IPMK: variants seen among roughly 807,000 people sequenced by gnomAD.
IPMK encodes the protein inositol 1,3,4,6-tetrakisphosphate 5-kinase.
A neutral mutation model predicts 45.8 loss-of-function variants in IPMK; 17 were observed. The ratio of observed to expected loss-of-function variants is 0.37; its 90% CI spans 0.25 to 0.56. The LOEUF (loss-of-function observed/expected upper bound fraction) is 0.56. Among genes scored for constraint, IPMK ranks in the 20% least tolerant of loss-of-function variants. The probability of loss-of-function intolerance (pLI) is 0.79; values close to 1 mark genes in which losing one functional copy is unlikely to be tolerated. For missense variants in IPMK, 399 were observed against 498.0 expected (o/e 0.80, Z 1.89); for synonymous variants, 180 against 184.3 (o/e 0.98, Z 0.19).
At chr10:58,199,195 C>A (rs1769044) in intron 5 of IPMK, 45 bp downstream of exon 5, 298,461 of 1,202,426 alleles carry the variant, frequency 0.25, 43,209 homozygotes, top group African/African-American at 0.61. Flanking sequence ...CTTTAGAAGT[C>A]TTTTAACTGT....
chr10:58,232,856 C>T (rs910195867), intron 2 of IPMK, among the ~76,000 whole-genome samples: 3 of 152,126 alleles, frequency 2.0e-5, no homozygotes, highest in African/African-American at 7.2e-5. Flanking sequence ...GGGACAGACA[C>T]AAAAAACCCT....
intron 1 of IPMK, among the ~76,000 whole-genome samples, chr10:58,254,834 A>G (rs2590348): frequency 0.34 from 51,484 of 152,054 alleles, 10,960 homozygotes; most frequent in African/African-American, 0.61. Context: ...CTGTTCTGGG[A>G]GAAGACTTAT....
At chr10:58,215,284 CA>C (rs1838227234) in intron 4 of IPMK, among the ~76,000 whole-genome samples, 1 of 152,018 alleles carries the variant, frequency 6.6e-6, no homozygotes, top group Admixed American at 6.6e-5. Context: ...ATAAGATCAG[CA>C]AAAGAACTGC....
At chr10:58,255,621 T>C (rs1838954041) in intron 1 of IPMK, among the ~76,000 whole-genome samples, 1 of 152,226 alleles carries the variant, frequency 6.6e-6, no homozygotes, top group Non-Finnish European at 1.5e-5. Context: ...ATCTTGATGA[T>C]ATCACCATCT....
At chr10:58,230,358 T>G (rs1287184381) in intron 2 of IPMK, among the ~76,000 whole-genome samples, 2 of 152,132 alleles carry the variant, frequency 1.3e-5, no homozygotes, top group Non-Finnish European at 2.9e-5. Context: ...CTCAAGTGGG[T>G]CCCTGACCCC....
intron 1 of IPMK, among the ~76,000 whole-genome samples, chr10:58,259,230 G>A (rs1839019590): frequency 6.6e-6 from 1 of 152,062 alleles, no homozygotes. Context: ...AGGGTTTCTT[G>A]AAGAAAAACG....
chr10:58,204,592 A>C (rs1439520609), intron 4 of IPMK, among the ~76,000 whole-genome samples: 1 of 152,146 alleles, frequency 6.6e-6, no homozygotes, highest in African/African-American at 2.4e-5. Flanking sequence ...CCATGAGTTC[A>C]AGACTAGCCT....
At chr10:58,246,780 C>A (rs915651188) in intron 1 of IPMK, among the ~76,000 whole-genome samples, 1 of 152,106 alleles carries the variant, frequency 6.6e-6, no homozygotes, top group Admixed American at 6.5e-5. Context: ...AAAGCAATGG[C>A]AACAAAAGCC....
At chr10:58,220,753 C>G (rs1371642836) in intron 3 of IPMK, among the ~76,000 whole-genome samples, 1 of 152,148 alleles carries the variant, frequency 6.6e-6, no homozygotes, top group African/African-American at 2.4e-5. Context: ...TAAAAACCTG[C>G]CTTCATAGAG....
intron 3 of IPMK, among the ~76,000 whole-genome samples, chr10:58,217,379 C>G (rs1838259944): frequency 6.6e-6 from 1 of 151,828 alleles, no homozygotes; most frequent in Admixed American, 6.6e-5. Flanking sequence ...AAATTCTTCC[C>G]TCCTTTCCTG....
chr10:58,211,618 G>A (rs949234524), intron 4 of IPMK, among the ~76,000 whole-genome samples: 2 of 151,740 alleles, frequency 1.3e-5, no homozygotes, highest in Non-Finnish European at 2.9e-5. Flanking sequence ...GCACTGCTTG[G>A]GATTGCCCAG....
intron 1 of IPMK, among the ~76,000 whole-genome samples, chr10:58,243,589 C>G (rs1403826103): frequency 6.6e-6 from 1 of 152,212 alleles, no homozygotes; most frequent in Non-Finnish European, 1.5e-5. Context: ...GGGCTGGTCT[C>G]CAGCTCCTGG....
At chr10:58,211,669 G>A (rs558180153) in intron 4 of IPMK, among the ~76,000 whole-genome samples, 3 of 151,114 alleles carry the variant, frequency 2.0e-5, no homozygotes, top group South Asian at 2.1e-4. Context: ...CCTGGGCAAC[G>A]TGAACCTCAT....
At chr10:58,200,200 C>T (rs1360857186) in intron 4 of IPMK, among the ~76,000 whole-genome samples, 1 of 152,130 alleles carries the variant, frequency 6.6e-6, no homozygotes, top group East Asian at 1.9e-4. Context: ...CTCACTGCAA[C>T]CCCTGCCTCC....
intron 4 of IPMK, among the ~76,000 whole-genome samples, chr10:58,208,570 C>T (rs1363690757): frequency 1.3e-5 from 2 of 151,912 alleles, no homozygotes; most frequent in Non-Finnish European, 2.9e-5. Context: ...TAAACTGATT[C>T]TTGGTACTTG....
At chr10:58,255,672 T>G (rs916631353) in intron 1 of IPMK, among the ~76,000 whole-genome samples, 3 of 152,120 alleles carry the variant, frequency 2.0e-5, no homozygotes, top group Non-Finnish European at 4.4e-5. Flanking sequence ...TTTGTAAATT[T>G]CTCCTGGAAT....
intron 1 of IPMK, among the ~76,000 whole-genome samples, chr10:58,244,653 G>A (rs959778440): frequency 1.3e-5 from 2 of 152,240 alleles, no homozygotes; most frequent in Non-Finnish European, 2.9e-5. Flanking sequence ...CTGTGTCTGT[G>A]TAGAAAGAAG....
intron 3 of IPMK, among the ~76,000 whole-genome samples, chr10:58,221,370 T>A (rs989065127): frequency 6.6e-6 from 1 of 152,100 alleles, no homozygotes; most frequent in African/African-American, 2.4e-5. Flanking sequence ...CCTATTTTTT[T>A]TTTTTTAAAT....
chr10:58,241,694 T>C (rs552225743), intron 1 of IPMK, among the ~76,000 whole-genome samples: 2 of 152,278 alleles, frequency 1.3e-5, no homozygotes, highest in South Asian at 4.1e-4. Flanking sequence ...ACCTTCTCAC[T>C]GTGTTCTCAC....
Sources: allele counts gnomAD v4.1 joint callset (sites outside exome capture counted in the v4.1 genomes callset), GRCh38; gene constraint gnomAD v4.1.1; transcripts MANE v1.5; gene names NCBI Gene and HGNC (gene_info 2026-07-23, HGNC 2026-07-21).